Variants in CPT1A observed in about 807,000 individuals in gnomAD.
CPT1A encodes the protein carnitine O-palmitoyltransferase 1, liver isoform.
Under a neutral mutation model 100.8 loss-of-function variants are expected in CPT1A, and 64 were observed. The observed-to-expected ratio is 0.63, with a 90% CI of 0.52 to 0.78. CPT1A has a LOEUF of 0.78. Among genes scored for constraint, CPT1A ranks in the 30% least tolerant of loss-of-function variants. CPT1A has a pLI of 0.00. For missense variants in CPT1A, 802 were observed against 1,034.1 expected (o/e 0.78, Z 3.08); for synonymous variants, 363 against 396.0 (o/e 0.92, Z 0.99).
chr11:68,819,973 AT>A (rs1309777785), intron 1 of CPT1A, among the ~76,000 whole-genome samples: 1 of 152,094 alleles, frequency 6.6e-6, no homozygotes, highest in African/African-American at 2.4e-5. Context: ...AAACACTGAT[AT>A]AGCCGCACCT....
In CPT1A at chr11:68,794,851, C is replaced by T. The variant is rs778496338; in HGVS notation, c.832G>A (p.Ala278Thr). The T allele has an allele frequency of 1.3e-5, 21 of 1,614,164 alleles. No homozygotes were observed. The highest frequency in any genetic ancestry group is 1.8e-5 in the Non-Finnish European group (21 of 1,180,026). Residue 278 changes from alanine to threonine, a missense_variant, in exon 8 of 19, where the codon GCC becomes ACC. Ala to Thr is a moderately conservative substitution (Grantham distance 58). Around this residue, in one of 4 missense-constraint regions of CPT1A, gnomAD observed 627 missense variants for 799.3 expected, o/e 0.78. Transcript: ENST00000265641. ...QAARAGNAIH[A>T]ILLYRRKLDR... ...AGTTTGCGCCTGTAAAGCAGGATGG[C>T]ATGGATGGCGTTGCCGGCTCTTGCT...
chr11:68,788,169 C>T (rs1010335358), intron 9 of CPT1A, among the ~76,000 whole-genome samples: 3 of 152,052 alleles, frequency 2.0e-5, no homozygotes, highest in African/African-American at 4.8e-5. Context: ...CAAACTTACA[C>T]GCTGCATAAC....
intron 2 of CPT1A, 46 bp downstream of exon 2, chr11:68,815,288 G>C (rs1390199819): frequency 6.3e-7 from 1 of 1,598,034 alleles, no homozygotes; most frequent in African/African-American, 1.3e-5. Context: ...CCCGTTCTTA[G>C]ATATTAAAAG....
chr11:68,791,538 T>C (rs528834229), intron 9 of CPT1A, among the ~76,000 whole-genome samples: 2 of 152,238 alleles, frequency 1.3e-5, no homozygotes, highest in East Asian at 3.9e-4. Context: ...TGGAGTGGGT[T>C]CTTTTTTGTT....
In CPT1A at chr11:68,841,696, C is replaced by A. The variant is rs1857163261; in HGVS notation, c.-14+79G>T. 1.3e-6 allele frequency: 1 copy of A among 794,532 alleles called. No individual in the cohort carries two copies. The highest frequency in any genetic ancestry group is 1.5e-6 in the Non-Finnish European group (1 of 655,112). 49.2% of individuals were successfully genotyped at this position (794,532 alleles called of 1,614,324 possible). On this transcript the variant is annotated intron_variant, in intron 1 of 18. Transcript: ENST00000265641. This position sits in a 1 kb window ranked among gnomAD's most constrained non-coding sequence, Gnocchi z 6.3. Reference sequence around the variant, plus strand: ...CACCCGGTCCGGTTCCCGGCAGCCCCGCGCCCCGCCCGTCCCCGGCCCCCG... The same window carrying A: ...CACCCGGTCCGGTTCCCGGCAGCCCAGCGCCCCGCCCGTCCCCGGCCCCCG...
intron 1 of CPT1A, among the ~76,000 whole-genome samples, chr11:68,832,425 G>A (rs930399520): frequency 2.6e-5 from 4 of 152,128 alleles, no homozygotes; most frequent in African/African-American, 4.8e-5. Context: ...ACTCCAGCCT[G>A]GGTGACAGAG....
intron 9 of CPT1A, among the ~76,000 whole-genome samples, chr11:68,786,812 A>C (rs1212525728): frequency 1.3e-5 from 2 of 152,190 alleles, no homozygotes; most frequent in African/African-American, 4.8e-5. Flanking sequence ...TACAGGCATG[A>C]GACACTGCAC....
chr11:68,826,550 C>A (rs545978709), intron 1 of CPT1A, among the ~76,000 whole-genome samples: 1 of 151,306 alleles, frequency 6.6e-6, no homozygotes, highest in Non-Finnish European at 1.5e-5. Context: ...GTCGCTAACA[C>A]GGTGAAACCC....
Position 68,761,544 on chromosome 11 carries a change from G to A in CPT1A, c.2019C>T (p.Phe673=). ...VSKYLAVESP[F]LKEVLSEPWR... ...AGTGGAAGAGACTTACTTCCTTAAG[G>A]AAAGGGGACTCCACAGCGAGATATT... Residue 673 remains phenylalanine, a synonymous_variant, in exon 16 of 19, where the codon TTC becomes TTT. Coordinates refer to ENST00000265641, the MANE Select transcript of CPT1A (RefSeq NM_001876.4). 1 of 1,614,002 alleles carries A rather than the reference G, an allele frequency of 6.2e-7. No homozygotes were observed. The highest frequency in any genetic ancestry group is 2.2e-5 in the East Asian group (1 of 44,878).
At position 68,841,462 on chromosome 11, in the gene CPT1A, G is replaced by C. The variant is rs1173620877; in HGVS notation, c.-14+313C>G. Among the ~76,000 whole-genome samples, 1 of 151,426 alleles carries C rather than the reference G, an allele frequency of 6.6e-6. No individual in the cohort carries two copies. Among genetic ancestry groups the C allele is most frequent in the Non-Finnish European group, 1.5e-5 (1 of 67,832 alleles). Reference sequence around the variant, plus strand: ...GCCCCGCTGGCCCCGGGCCGGAGGCGTCCAGCCAAGTCCGGAGGGCCGAGC... The same window carrying C: ...GCCCCGCTGGCCCCGGGCCGGAGGCCTCCAGCCAAGTCCGGAGGGCCGAGC... On this transcript the variant is annotated intron_variant, in intron 1 of 18. Coordinates refer to ENST00000265641, the MANE Select transcript of CPT1A (RefSeq NM_001876.4). This position sits in a 1 kb window ranked among gnomAD's most constrained non-coding sequence, Gnocchi z 6.3.
intron 14 of CPT1A, among the ~76,000 whole-genome samples, chr11:68,770,918 G>A (rs779188642): frequency 1.3e-5 from 2 of 152,208 alleles, no homozygotes; most frequent in East Asian, 1.9e-4. Flanking sequence ...TGCTGCGTAC[G>A]AGCTGGAGCC....
chr11:68,800,986 G>A (rs997408674), intron 5 of CPT1A, among the ~76,000 whole-genome samples: 1 of 151,998 alleles, frequency 6.6e-6, no homozygotes, highest in Non-Finnish European at 1.5e-5. Flanking sequence ...GTGCACACCT[G>A]TGGCCCCAAC....
intron 13 of CPT1A, among the ~76,000 whole-genome samples, chr11:68,774,084 A>C (rs1272136655): frequency 6.6e-6 from 1 of 152,248 alleles, no homozygotes; most frequent in African/African-American, 2.4e-5. Context: ...GCCAATGTAT[A>C]AAACCTCAAG....
rs116904421 is a variant in CPT1A, at chr11:68,758,571, G to C, written c.2236-841C>G. Among the ~76,000 whole-genome samples, 308 of 151,364 alleles carry C rather than the reference G, an allele frequency of 2.0e-3. 4 individuals are homozygous for C. The East Asian group carries it at 0.058, about 28-fold the overall frequency. On this transcript the variant is annotated intron_variant, in intron 18 of 18. Coordinates refer to ENST00000265641, the MANE Select transcript of CPT1A (RefSeq NM_001876.4). ...TCCAACGTTAAGCTTCAAAACCATT[G>C]CTGCCAACAGAGGTAAACATGTTAA...
chr11:68,798,948 G>A (rs1194772899), intron 6 of CPT1A, among the ~76,000 whole-genome samples: 1 of 152,096 alleles, frequency 6.6e-6, no homozygotes, highest in African/African-American at 2.4e-5. Context: ...GATCACTTGA[G>A]CCCAGGAGTT....
chr11:68,780,576 G>A (rs920041810), intron 12 of CPT1A, 64 bp downstream of exon 12: 21 of 1,435,260 alleles, frequency 1.5e-5, no homozygotes, highest in African/African-American at 7.0e-5. Context: ...GCGCCACTGC[G>A]CCTGGCCAGG....
rs563302971 is a variant in CPT1A at position 68,785,937 on chromosome 11, G to A, written c.968-927C>T. ...CTCCTCAGTAAGCTTAAACATCACAGAAATGTGATGAAGTACGTTCACTCC... is the reference window on the plus strand; with the variant it reads ...CTCCTCAGTAAGCTTAAACATCACAAAAATGTGATGAAGTACGTTCACTCC... On this transcript the variant is annotated intron_variant, in intron 9 of 18. Transcript: ENST00000265641. 1.0e-4 allele frequency: 70 copies of A among 690,134 alleles called. No individual in the cohort carries two copies. The African/African-American group carries it at 1.2e-3, about 11-fold the overall frequency. The allele number at this position is 690,134 out of a possible 1,614,324, so 42.8% of individuals were successfully genotyped here.
intron 16 of CPT1A, 28 bp downstream of exon 16, chr11:68,761,507 A>C: frequency 1.2e-6 from 2 of 1,612,406 alleles, no homozygotes; most frequent in Non-Finnish European, 1.7e-6. Context: ...AGCCAATACA[A>C]CTGACGGAAG....
chr11:68,804,254 G>C (rs553011306), intron 4 of CPT1A, among the ~76,000 whole-genome samples, 153 bp from the exon 5 acceptor site: 1 of 152,312 alleles, frequency 6.6e-6, no homozygotes, highest in African/African-American at 2.4e-5. Context: ...TTAAAGATCC[G>C]AAGCCACTTT....
Sources: allele counts gnomAD v4.1 joint callset (sites outside exome capture counted in the v4.1 genomes callset), GRCh38; gene constraint gnomAD v4.1.1; regional missense constraint gnomAD v4.1.1; non-coding constraint Gnocchi (gnomAD v3.1); transcripts MANE v1.5; gene names NCBI Gene and HGNC (gene_info 2026-07-23, HGNC 2026-07-21).